PCDH15: variants seen among roughly 807,000 people sequenced by gnomAD.
PCDH15 encodes the protein protocadherin-15.
A neutral mutation model predicts 178.5 loss-of-function variants in PCDH15; 129 were observed. That is an observed-to-expected ratio of 0.72 (90% CI 0.63 to 0.84). The LOEUF (loss-of-function observed/expected upper bound fraction) is 0.84, where lower values mean the gene tolerates loss of function less well. PCDH15 is among the 40% of genes least tolerant of loss of function. The pLI, the probability that PCDH15 is intolerant of heterozygous loss-of-function variation, is 0.00. For synonymous variants in PCDH15, 800 were observed against 732.0 expected, an observed-to-expected ratio of 1.09 and a Z score of -1.50; for missense variants, 2,230 against 2,099.9, an observed-to-expected ratio of 1.06 and a Z score of -1.21.
At chr10:54,426,921 T>C (rs569288136) in intron 3 of PCDH15, among the ~76,000 whole-genome samples, 7 of 152,016 alleles carry the variant, frequency 4.6e-5, no homozygotes, top group African/African-American at 1.2e-4. Context: ...AAAAAAAGAA[T>C]AGCAAAAGCA....
chr10:54,144,425 A>G (rs747683226), intron 14 of PCDH15, among the ~76,000 whole-genome samples: 5 of 151,964 alleles, frequency 3.3e-5, no homozygotes, highest in Non-Finnish European at 2.9e-5. Context: ...TCAAAAAAGT[A>G]TTAAAGAAAT....
intron 23 of PCDH15, among the ~76,000 whole-genome samples, chr10:53,952,972 G>A (rs1242450039): frequency 6.6e-6 from 1 of 152,238 alleles, no homozygotes; most frequent in African/African-American, 2.4e-5. Flanking sequence ...CTTTGAGCAT[G>A]CAGCAGGAGG....
intron 2 of PCDH15, among the ~76,000 whole-genome samples, chr10:55,447,501 A>T (rs1839343527): frequency 6.6e-6 from 1 of 152,048 alleles, no homozygotes; most frequent in South Asian, 2.1e-4. Flanking sequence ...CTGACATGAG[A>T]TCCTACGTCT....
intron 2 of PCDH15, among the ~76,000 whole-genome samples, chr10:55,454,619 T>A (rs1435750468): frequency 2.1e-4 from 11 of 53,584 alleles, no homozygotes; most frequent in Non-Finnish European, 3.1e-4. Flanking sequence ...CTACTAAAAA[T>A]GCAAAAAAAA....
intron 2 of PCDH15, among the ~76,000 whole-genome samples, chr10:55,449,169 AC>A (rs926006104): frequency 1.3e-5 from 2 of 152,174 alleles, no homozygotes; most frequent in African/African-American, 4.8e-5. Context: ...CAAAAATGTC[AC>A]CAATCACCTC....
At chr10:54,871,495 G>T (rs1333550251) in intron 3 of PCDH15, among the ~76,000 whole-genome samples, 2 of 150,950 alleles carry the variant, frequency 1.3e-5, no homozygotes, top group Non-Finnish European at 2.9e-5. Flanking sequence ...ATCTTATGGA[G>T]AATATGATAA....
intron 2 of PCDH15, among the ~76,000 whole-genome samples, chr10:55,515,230 C>T (rs1840984927): frequency 6.6e-6 from 1 of 151,946 alleles, no homozygotes; most frequent in African/African-American, 2.4e-5. Context: ...CTCAAGTGAT[C>T]TGCCTTCCAA....
At chr10:54,503,927 G>A (rs1437927053) in intron 3 of PCDH15, among the ~76,000 whole-genome samples, 2 of 152,008 alleles carry the variant, frequency 1.3e-5, no homozygotes, top group Non-Finnish European at 2.9e-5. Context: ...GATGCCTGAG[G>A]CCAATGCACA....
intron 2 of PCDH15, among the ~76,000 whole-genome samples, chr10:55,101,420 T>C (rs1487273963): frequency 6.7e-6 from 1 of 148,398 alleles, no homozygotes; most frequent in East Asian, 2.0e-4. Flanking sequence ...TTTTTTTTTA[T>C]GGCCACTCCT....
At chr10:54,659,980 A>G (rs1023077740) in intron 2 of PCDH15, among the ~76,000 whole-genome samples, 1 of 152,092 alleles carries the variant, frequency 6.6e-6, no homozygotes, top group Non-Finnish European at 1.5e-5. Context: ...ACATAAAAAG[A>G]TAAAAATATC....
intron 2 of PCDH15, among the ~76,000 whole-genome samples, chr10:55,343,381 T>C (rs1047997991): frequency 1.3e-5 from 2 of 152,162 alleles, no homozygotes; most frequent in African/African-American, 4.8e-5. Flanking sequence ...GTAACATCAT[T>C]AGAGATGGCC....
At chr10:53,879,092 T>C (rs1258949802) in intron 26 of PCDH15, among the ~76,000 whole-genome samples, 1 of 103,366 alleles carries the variant, frequency 9.7e-6, no homozygotes, top group Non-Finnish European at 2.1e-5. Flanking sequence ...TGATCTCTTC[T>C]ATTTGTTCTT....
At chr10:55,037,972 A>T (rs1189941575) in intron 2 of PCDH15, among the ~76,000 whole-genome samples, 1 of 152,202 alleles carries the variant, frequency 6.6e-6, no homozygotes, top group Non-Finnish European at 1.5e-5. Flanking sequence ...TTAATAAGCA[A>T]AGCCCACAAG....
intron 23 of PCDH15, among the ~76,000 whole-genome samples, chr10:53,944,704 C>A (rs953010007): frequency 6.6e-6 from 1 of 152,184 alleles, no homozygotes; most frequent in Non-Finnish European, 1.5e-5. Flanking sequence ...AACTATACAG[C>A]TTACTGATGT....
chr10:54,897,850 T>A (rs1396195485), intron 2 of PCDH15, among the ~76,000 whole-genome samples: 2 of 152,068 alleles, frequency 1.3e-5, no homozygotes, highest in Admixed American at 1.3e-4. Flanking sequence ...TTGGATTTGA[T>A]ATGCTAGATA....
chr10:54,825,861 A>G (rs539619424), intron 3 of PCDH15, among the ~76,000 whole-genome samples: 1 of 152,214 alleles, frequency 6.6e-6, no homozygotes, highest in Non-Finnish European at 1.5e-5. Context: ...TGTTATTAAC[A>G]CGATCCATAG....
At chr10:54,890,216 G>A (rs1591765358) in intron 3 of PCDH15, among the ~76,000 whole-genome samples, 2 of 152,018 alleles carry the variant, frequency 1.3e-5, no homozygotes, top group South Asian at 2.1e-4. Flanking sequence ...ATCATCACAT[G>A]AGCGTGGATA....
At chr10:55,383,785 G>A (rs1837591586) in intron 2 of PCDH15, among the ~76,000 whole-genome samples, 1 of 152,072 alleles carries the variant, frequency 6.6e-6, no homozygotes, top group African/African-American at 2.4e-5. Flanking sequence ...CAGAGTCCAA[G>A]CCATTCCCTC....
chr10:54,737,797 A>G (rs188173353), intron 1 of PCDH15, among the ~76,000 whole-genome samples: 76 of 152,276 alleles, frequency 5.0e-4, no homozygotes, highest in Admixed American at 1.2e-3. Flanking sequence ...GCACCTCTCC[A>G]GTTCCTAAGA....
Sources: gnomAD v4.1 joint callset for allele counts (sites outside exome capture counted in the v4.1 genomes callset) on GRCh38, gnomAD v4.1.1 for gene constraint, MANE v1.5 for transcripts, NCBI Gene and HGNC (gene_info 2026-07-23, HGNC 2026-07-21) for gene names.